Variants in TENM2 observed in about 807,000 individuals in gnomAD.
TENM2 encodes teneurin-2.
TENM2 carries 52 observed loss-of-function variants against 245.2 expected under a neutral mutation model. That is an observed-to-expected ratio of 0.21 (90% CI 0.17 to 0.27). The LOEUF is 0.27. TENM2 is among the 10% of genes least tolerant of loss of function. The pLI, the probability that TENM2 is intolerant of heterozygous loss-of-function variation, is 1.00. For missense variants in TENM2, 3,046 were observed against 3,666.8 expected (o/e 0.83, Z 4.37); for synonymous variants, 1,363 against 1,438.9 (o/e 0.95, Z 1.19).
chr5:168,064,600 T>C (rs1790334160), intron 7 of TENM2, among the ~76,000 whole-genome samples: 1 of 152,246 alleles, frequency 6.6e-6, no homozygotes, highest in Admixed American at 6.5e-5. Flanking sequence ...TTTCTTCCTT[T>C]GTGGCTACGC....
At chr5:168,154,159 A>AAAC (rs1756925899) in intron 12 of TENM2, among the ~76,000 whole-genome samples, 1 of 148,056 alleles carries the variant, frequency 6.8e-6, no homozygotes, top group Non-Finnish European at 1.5e-5. Context: ...AAAAAAAAAA[A>AAAC]AAAAAAACAG....
chr5:167,693,579 A>G (rs748502728), intron 2 of TENM2, among the ~76,000 whole-genome samples: 2 of 151,616 alleles, frequency 1.3e-5, no homozygotes, highest in Non-Finnish European at 2.9e-5. Context: ...TCATAATGCC[A>G]AACATCGGTG....
intron 6 of TENM2, among the ~76,000 whole-genome samples, chr5:168,056,273 A>G (rs1789534329): frequency 6.6e-6 from 1 of 152,100 alleles, no homozygotes; most frequent in African/African-American, 2.4e-5. Flanking sequence ...TTACAGAAAA[A>G]CACCTTTTCT....
chr5:167,098,640 A>G, the TENM2 span, among the ~76,000 whole-genome samples: 1 of 152,208 alleles, frequency 6.6e-6, no homozygotes, highest in African/African-American at 2.4e-5. Flanking sequence ...GATGAAACAT[A>G]AAACTTGAAA....
intron 9 of TENM2, among the ~76,000 whole-genome samples, chr5:168,114,634 C>G (rs1222752563): frequency 6.6e-6 from 1 of 152,206 alleles, no homozygotes; most frequent in East Asian, 1.9e-4. Flanking sequence ...TTTCTGCACT[C>G]TGCCCCATGG....
chr5:167,494,680 AG>A (rs1278149343), intron 2 of TENM2, among the ~76,000 whole-genome samples: 1 of 152,144 alleles, frequency 6.6e-6, no homozygotes, highest in African/African-American at 2.4e-5. Flanking sequence ...GTGAAGTAAA[AG>A]TTTAAAGAAA....
chr5:167,941,775 G>A (rs1272487935), intron 3 of TENM2, among the ~76,000 whole-genome samples: 3 of 151,956 alleles, frequency 2.0e-5, no homozygotes, highest in Non-Finnish European at 4.4e-5. Context: ...GATTGCTTGA[G>A]CCCAGGAATT....
At chr5:167,334,141 A>G (rs1049390370) in intron 1 of TENM2, among the ~76,000 whole-genome samples, 4 of 152,200 alleles carry the variant, frequency 2.6e-5, no homozygotes, top group African/African-American at 7.2e-5. Context: ...AATGCAGAAT[A>G]CTTTCATTAT....
chr5:167,391,750 A>G (rs1761772695), intron 2 of TENM2, among the ~76,000 whole-genome samples: 1 of 152,242 alleles, frequency 6.6e-6, no homozygotes, highest in African/African-American at 2.4e-5. Flanking sequence ...CATTTTAGAC[A>G]TTGTTAAGTA....
chr5:168,039,077 C>T (rs1252609384), intron 5 of TENM2, among the ~76,000 whole-genome samples: 1 of 152,096 alleles, frequency 6.6e-6, no homozygotes, highest in Admixed American at 6.5e-5. Flanking sequence ...ACACTCTGAC[C>T]CCCTTGCCTC....
intron 2 of TENM2, among the ~76,000 whole-genome samples, chr5:167,847,239 C>T (rs778441420): frequency 4.6e-5 from 7 of 152,178 alleles, no homozygotes; most frequent in African/African-American, 1.4e-4. Context: ...AGGCATGAGC[C>T]GCCATGCCCA....
chr5:167,360,270 T>C (rs1297595244), intron 1 of TENM2, among the ~76,000 whole-genome samples: 1 of 152,238 alleles, frequency 6.6e-6, no homozygotes, highest in Non-Finnish European at 1.5e-5. Context: ...GACATTATGT[T>C]AACTGTTTAA....
chr5:167,750,678 AG>A lies in TENM2; in HGVS notation c.503-125307del, dbSNP rs1761901721. On this transcript the variant is annotated intron_variant, in intron 2 of 28. Transcript: ENST00000518659. Reference sequence around the variant, plus strand: ...ATTAAACTCATTAACCAAAGGAACCAGTCTGCCACTGATGTACACATTCCAG... The same window carrying A: ...ATTAAACTCATTAACCAAAGGAACCATCTGCCACTGATGTACACATTCCAG... Among the ~76,000 whole-genome samples the A allele has an allele frequency of 7.9e-5, 12 of 152,234 alleles. 1 individual carries two copies. The South Asian group carries it at 2.5e-3, about 32-fold the overall frequency.
chr5:167,601,039 G>T (rs912888305), intron 2 of TENM2, among the ~76,000 whole-genome samples: 1 of 152,166 alleles, frequency 6.6e-6, no homozygotes, highest in Admixed American at 6.5e-5. Flanking sequence ...AGGCTCTGAG[G>T]TTACAGCAAG....
At chr5:167,749,062 A>G (rs1460047630) in intron 2 of TENM2, among the ~76,000 whole-genome samples, 1 of 152,092 alleles carries the variant, frequency 6.6e-6, no homozygotes, top group African/African-American at 2.4e-5. Flanking sequence ...TTGTATTTGT[A>G]TCTTCATTTT....
chr5:167,449,384 C>T (rs1178129780), intron 2 of TENM2, among the ~76,000 whole-genome samples: 3 of 152,084 alleles, frequency 2.0e-5, no homozygotes, highest in South Asian at 4.1e-4. Context: ...TGCTTCCAGG[C>T]TCCCATGTGC....
At chr5:167,143,040 G>C in the TENM2 span, among the ~76,000 whole-genome samples, 77 of 152,306 alleles carry the variant, frequency 5.1e-4, 2 homozygotes, top group African/African-American at 1.7e-3. Context: ...CAGAAGTCTG[G>C]ACACTAGTCC....
intron 2 of TENM2, among the ~76,000 whole-genome samples, chr5:167,470,534 A>AT (rs1203065921): frequency 1.2e-5 from 1 of 85,436 alleles, no homozygotes. Context: ...TCTGGCTTTT[A>AT]TTTTTGCTTT....
chr5:167,252,826 A>G, the TENM2 span, among the ~76,000 whole-genome samples: 1 of 152,172 alleles, frequency 6.6e-6, no homozygotes, highest in South Asian at 2.1e-4. Context: ...AGTTAATACA[A>G]TAGCCCTATG....
Sources: allele counts gnomAD v4.1 joint callset (sites outside exome capture counted in the v4.1 genomes callset), GRCh38; gene constraint gnomAD v4.1.1; transcripts MANE v1.5; gene names NCBI Gene and HGNC (gene_info 2026-07-23, HGNC 2026-07-21).